The following C11orf65 variants were observed in gnomAD, a reference collection of about 807,000 sequenced individuals.
C11orf65 encodes chromosome 11 open reading frame 65, also known as protein MFI.
In C11orf65, 38 loss-of-function variants were observed where a neutral mutation model predicts 35.3. That is an observed-to-expected ratio of 1.08 (90% CI 0.83 to 1.41). The LOEUF is 1.41. Ranked by LOEUF, C11orf65 falls within the 40% of genes most tolerant of loss-of-function variation. The probability of loss-of-function intolerance (pLI) is 0.00; values close to 1 mark genes in which losing one functional copy is unlikely to be tolerated. For synonymous variants in C11orf65, 105 were observed against 114.4 expected, an observed-to-expected ratio of 0.92 and a Z score of 0.53; for missense variants, 370 against 367.1, an observed-to-expected ratio of 1.01 and a Z score of -0.06.
At chr11:108,356,725 A>G (rs545748976) in intron 2 of C11orf65, among the ~76,000 whole-genome samples, 2 of 152,288 alleles carry the variant, frequency 1.3e-5, no homozygotes, top group African/African-American at 4.8e-5. Context: ...TAGTTCTTTT[A>G]GGGCCTCAGA....
chr11:108,351,956 G>GCCCTT (rs2089258345), intron 2 of C11orf65, among the ~76,000 whole-genome samples: 1 of 152,254 alleles, frequency 6.6e-6, no homozygotes, highest in South Asian at 2.1e-4. Context: ...GCTATAGCAA[G>GCCCTT]CCCTTTCCCT....
chr11:108,400,984 C>T (rs2092428498), intron 6 of C11orf65, among the ~76,000 whole-genome samples: 1 of 152,078 alleles, frequency 6.6e-6, no homozygotes, highest in Non-Finnish European at 1.5e-5. Flanking sequence ...TGGCACATGC[C>T]TGTTATCCCA....
intron 1 of C11orf65, among the ~76,000 whole-genome samples, chr11:108,465,271 CT>C (rs1202588495): frequency 1.3e-5 from 2 of 152,152 alleles, no homozygotes; most frequent in Non-Finnish European, 2.9e-5. Flanking sequence ...CTTCCTGCTT[CT>C]CTAGTGACAT....
In C11orf65 at chr11:108,393,092, T is replaced by G. The variant is rs7948591; in HGVS notation, c.731+116A>C. ...TCTAGACAAATAATAGATACTCGGG[T>G]TTTTTTTTTCTTTGAAGATTGTTTG... On this transcript the variant is annotated intron_variant, in intron 7 of 8. Transcript: ENST00000393084. 8,992 of 1,017,098 alleles carry G rather than the reference T, an allele frequency of 8.8e-3. 239 individuals carry two copies. Among genetic ancestry groups the G allele is most frequent in the African/African-American group, 0.074 (4,567 of 61,544 alleles). The allele number at this position is 1,017,098 out of a possible 1,614,324, so 63.0% of individuals were successfully genotyped here.
chr11:108,317,652 T>TATATATATACACACACACACACAC (rs1399501257), intron 6 of C11orf65: 2 of 117,468 alleles, frequency 1.7e-5, no homozygotes, highest in African/African-American at 1.0e-4. Context: ...TATATATATA[T>TATATATATACACACACACACACAC]ACACACACAC....
At chr11:108,363,553 G>A (rs950187804) in intron 2 of C11orf65, among the ~76,000 whole-genome samples, 2 of 152,172 alleles carry the variant, frequency 1.3e-5, no homozygotes, top group Non-Finnish European at 2.9e-5. Flanking sequence ...GATGGGAGAT[G>A]AGGATAGTAT....
At chr11:108,360,252 G>C (rs2090560421) in intron 2 of C11orf65, among the ~76,000 whole-genome samples, 1 of 125,558 alleles carries the variant, frequency 8.0e-6, no homozygotes, top group Non-Finnish European at 1.8e-5. Context: ...CCAGGAAGAA[G>C]TTGAATCTCT....
intron 6 of C11orf65, among the ~76,000 whole-genome samples, chr11:108,399,744 G>A (rs563483598): frequency 2.1e-4 from 32 of 152,260 alleles, no homozygotes; most frequent in South Asian, 2.1e-4. Context: ...CTAAAACAGT[G>A]CTACGTACTC....
Position 108,313,455 on chromosome 11 carries a change from GTC to G in C11orf65, c.641-4386_641-4385del, listed in dbSNP as rs545976699. ...TTCCAGTAAAATAGCACTTGCTAAT[GTC>G]TCTCATAAACTTCATGTTGCTAAGT... On this transcript the variant is annotated intron_variant, in intron 6 of 6. Transcript: ENST00000525729. Among the ~76,000 whole-genome samples, 32 of 152,034 alleles carry G rather than the reference GTC, an allele frequency of 2.1e-4. 2 individuals are homozygous for G. The East Asian group carries it at 5.2e-3, about 25-fold the overall frequency.
intron 7 of C11orf65, 89 bp downstream of exon 7, chr11:108,393,119 G>T: frequency 4.5e-6 from 6 of 1,321,470 alleles, no homozygotes; most frequent in Non-Finnish European, 4.1e-6. Flanking sequence ...GATTGTTTGT[G>T]GCCCCAAGAT....
rs555688487 is a variant in C11orf65 at position 108,352,394 on chromosome 11, T to G, written c.227-17102A>C. On this transcript the variant is annotated intron_variant, in intron 2 of 3. Coordinates refer to the C11orf65 transcript ENST00000524755. ...AAATATAGTAAATAAAATAAAAAAT[T>G]TCAACTGCAGAATGAGGAGACAGAA... 2.6e-5 allele frequency among the ~76,000 whole-genome samples: 4 copies of G among 152,176 alleles called. No homozygotes were observed. In the South Asian group the frequency reaches 8.3e-4, roughly 32 times the overall value.
At chr11:108,403,536 C>A (rs981634890) in intron 6 of C11orf65, among the ~76,000 whole-genome samples, 5 of 140,344 alleles carry the variant, frequency 3.6e-5, no homozygotes, top group African/African-American at 1.3e-4. Context: ...AAAATTGTTT[C>A]TTTTATAGTT....
chr11:108,322,300 G>A (rs886414071), intron 6 of C11orf65, among the ~76,000 whole-genome samples: 2 of 152,028 alleles, frequency 1.3e-5, no homozygotes, highest in African/African-American at 4.8e-5. Context: ...GATTATAGGT[G>A]CCCCGACAAT....
intron 2 of C11orf65, among the ~76,000 whole-genome samples, chr11:108,342,683 TTATAA>T (rs1416990534): frequency 2.0e-5 from 3 of 152,212 alleles, no homozygotes; most frequent in Non-Finnish European, 4.4e-5. Flanking sequence ...TTATGTATGT[TTATAA>T]TATAATTTTA....
At chr11:108,337,077 A>G (rs1442125953) in intron 2 of C11orf65, among the ~76,000 whole-genome samples, 2 of 152,114 alleles carry the variant, frequency 1.3e-5, no homozygotes, top group African/African-American at 4.8e-5. Context: ...AAAGCCCTAA[A>G]TAGGGGAGTG....
At chr11:108,382,102 G>A (rs1467337163), downstream of C11orf65, among the ~76,000 whole-genome samples, 2 of 152,166 alleles carry the variant, frequency 1.3e-5, no homozygotes, top group Non-Finnish European at 1.5e-5. Context: ...GCTTTCAGAT[G>A]ACTGCAGCCC....
upstream of C11orf65, among the ~76,000 whole-genome samples, chr11:108,468,166 T>G (rs1002013392): frequency 1.3e-5 from 2 of 152,206 alleles, no homozygotes; most frequent in Non-Finnish European, 2.9e-5. Flanking sequence ...GTTTAATTTA[T>G]TCATTTGAAA....
intron 7 of C11orf65, among the ~76,000 whole-genome samples, chr11:108,387,154 T>A (rs1412862720): frequency 2.3e-5 from 3 of 130,632 alleles, no homozygotes; most frequent in Non-Finnish European, 4.8e-5. Flanking sequence ...CTTTCTTTTT[T>A]TTTTTTTTTT....
chr11:108,439,110 C>T (rs1265930142), intron 2 of C11orf65, among the ~76,000 whole-genome samples: 1 of 152,078 alleles, frequency 6.6e-6, no homozygotes, highest in African/African-American at 2.4e-5. Context: ...ATCTTCGAAA[C>T]ATAAAGAACT....
Sources: gnomAD v4.1 joint callset for allele counts (sites outside exome capture counted in the v4.1 genomes callset) on GRCh38, gnomAD v4.1.1 for gene constraint, MANE v1.5 for transcripts, NCBI Gene and HGNC (gene_info 2026-07-23, HGNC 2026-07-21) for gene names.